TRPV3: variants seen among roughly 807,000 people sequenced by gnomAD.
The protein encoded by TRPV3 is VRL-3.
In TRPV3, 88 loss-of-function variants were observed where a neutral mutation model predicts 87.1. That is an observed-to-expected ratio of 1.01 (90% CI 0.85 to 1.21). The LOEUF (loss-of-function observed/expected upper bound fraction) is 1.21. Among genes scored for constraint, TRPV3 ranks in the 50% most tolerant of loss-of-function variants. TRPV3 has a pLI of 0.00. For synonymous variants in TRPV3, 438 were observed against 423.3 expected (o/e 1.03, Z -0.43); for missense variants, 1,054 against 1,030.1 (o/e 1.02, Z -0.32).
chr17:3,543,401 G>A (rs1472069420), intron 5 of TRPV3, 73 bp downstream of exon 5: 2 of 1,578,048 alleles, frequency 1.3e-6, no homozygotes, highest in Non-Finnish European at 1.7e-6. Context: ...GTTGGTGAGG[G>A]GAGGGGAAAA....
rs558228482 is a variant in TRPV3, at chr17:3,530,734, A to G, written c.1066-531T>C. Among the ~76,000 whole-genome samples, 1 of 152,280 alleles carries G rather than the reference A, an allele frequency of 6.6e-6. No individual in the cohort carries two copies. The highest frequency in any genetic ancestry group is 2.4e-5 in the African/African-American group (1 of 41,562). On this transcript the variant is annotated intron_variant, in intron 8 of 17. Coordinates refer to ENST00000576742, the MANE Select transcript of TRPV3 (RefSeq NM_145068.4). The surrounding 1 kb of genome is among the most constrained non-coding windows in gnomAD (Gnocchi z 4.0). ...GCCAGTGATCCTCAAACTCTGCTGC[A>G]TGTTAGGGCTGCTGGGAAACTTAGA...
At chr17:3,546,776 G>A (rs1260986761) in intron 2 of TRPV3, 1 of 402,158 alleles carries the variant, frequency 2.5e-6, no homozygotes. Context: ...TCAGGAGTTT[G>A]AGGCCAATGC....
At chr17:3,543,423 A>G in intron 5 of TRPV3, 51 bp downstream of exon 5, 2 of 1,597,336 alleles carry the variant, frequency 1.3e-6, no homozygotes, top group Non-Finnish European at 1.7e-6. Flanking sequence ...GGGCACCAGA[A>G]GCCAAGCAGG....
chr17:3,549,810 GAATA>G (rs2074557019), intron 2 of TRPV3, among the ~76,000 whole-genome samples: 1 of 151,588 alleles, frequency 6.6e-6, no homozygotes, highest in Non-Finnish European at 1.5e-5. Context: ...ATGGATTGAT[GAATA>G]AATGATTGAT....
chr17:3,513,885 G>A lies in TRPV3; in HGVS notation c.*32C>T, dbSNP rs368105861. 3.4e-4 allele frequency: 529 copies of A among 1,575,328 alleles called. 1 individual carries two copies. Among genetic ancestry groups the A allele is most frequent in the Non-Finnish European group, 4.3e-4 (487 of 1,145,430 alleles). ...GTGACTCCGCCTGCAGCGCCAGACAGCGCACGCGCACACCAGCTCTGGGTT... is the reference window on the plus strand; with the variant it reads ...GTGACTCCGCCTGCAGCGCCAGACAACGCACGCGCACACCAGCTCTGGGTT... On this transcript the variant is annotated 3_prime_UTR_variant, in exon 18 of 18. Coordinates refer to ENST00000576742, the MANE Select transcript of TRPV3 (RefSeq NM_145068.4).
intron 14 of TRPV3, among the ~76,000 whole-genome samples, chr17:3,520,104 T>C (rs569558325): frequency 1.3e-5 from 2 of 152,082 alleles, no homozygotes; most frequent in Admixed American, 6.5e-5. Flanking sequence ...AATAAGCAAA[T>C]TGTGACCCAG....
intron 12 of TRPV3, among the ~76,000 whole-genome samples, chr17:3,526,645 A>C (rs1307709722): frequency 1.3e-5 from 2 of 152,148 alleles, no homozygotes; most frequent in Non-Finnish European, 2.9e-5. Flanking sequence ...ACTGGGCCCC[A>C]CAGCCCTGAA....
intron 3 of TRPV3, 133 bp from the exon 4 acceptor site, chr17:3,544,798 A>G: frequency 1.5e-6 from 1 of 663,686 alleles, no homozygotes; most frequent in Non-Finnish European, 2.6e-6. Flanking sequence ...GGAGTTCGAG[A>G]CCAGCCTGGC....
At chr17:3,517,574 C>T (rs952488060) in intron 15 of TRPV3, among the ~76,000 whole-genome samples, 4 of 137,554 alleles carry the variant, frequency 2.9e-5, no homozygotes, top group African/African-American at 1.1e-4. Flanking sequence ...AGCTGATAAT[C>T]GTGCCACTGC....
At position 3,535,562 on chromosome 17, in the gene TRPV3, G is replaced by C; in HGVS notation, c.784+11C>G. On this transcript the variant is annotated intron_variant, in intron 7 of 17. Transcript: ENST00000576742. Reference sequence around the variant, plus strand: ...CTCCCAGACTCCGCACCGGGCGGGGGCGGCACCCACCGAAGTAGAAGCCTT... The same window carrying C: ...CTCCCAGACTCCGCACCGGGCGGGGCCGGCACCCACCGAAGTAGAAGCCTT... The C allele has an allele frequency of 8.2e-6, 13 of 1,583,756 alleles. No individual in the cohort carries two copies. Among genetic ancestry groups the C allele is most frequent in the Non-Finnish European group, 1.1e-5 (13 of 1,165,090 alleles).
chr17:3,519,422 TTGGATGGATGGA>T (rs59693032), intron 14 of TRPV3, among the ~76,000 whole-genome samples: 1 of 111,166 alleles, frequency 9.0e-6, no homozygotes, highest in Non-Finnish European at 1.8e-5. Context: ...GGATGGATGA[TTGGATGGATGGA>T]TGGATGGATG....
At chr17:3,520,359 C>T (rs1262554226) in intron 14 of TRPV3, among the ~76,000 whole-genome samples, 1 of 152,136 alleles carries the variant, frequency 6.6e-6, no homozygotes, top group Non-Finnish European at 1.5e-5. Flanking sequence ...GTGAGAGTAA[C>T]GTGATGTGAA....
rs398119634 is a variant in TRPV3, at chr17:3,554,660, T to TGG, written c.119+70_119+71dup. On this transcript the variant is annotated intron_variant, in intron 2 of 17. Transcript: ENST00000576742. ...AGGTCTCCCCAAGGCAAGGGCTCCC[T>TGG]GGGGGGGTGCCAGGCCCCCACTCGT... 561 of 1,049,994 alleles carry TGG rather than the reference T, an allele frequency of 5.3e-4. 1 individual carries two copies. The highest frequency in any genetic ancestry group is 5.7e-4 in the Non-Finnish European group (405 of 706,530). The allele number at this position is 1,049,994 out of a possible 1,614,324, so 65.0% of individuals were successfully genotyped here.
chr17:3,549,318 A>G (rs1321955395), intron 2 of TRPV3, among the ~76,000 whole-genome samples: 4 of 152,212 alleles, frequency 2.6e-5, no homozygotes, highest in African/African-American at 9.6e-5. Flanking sequence ...GTAGTGAACA[A>G]GTGGACAAAA....
chr17:3,551,664 ATCTCTG>A (rs1198190797), intron 2 of TRPV3, among the ~76,000 whole-genome samples: 2 of 124,434 alleles, frequency 1.6e-5, no homozygotes, highest in African/African-American at 2.5e-5. Flanking sequence ...ATCAGTCTGT[ATCTCTG>A]TCTCTGGGCA....
At position 3,524,226 on chromosome 17, in the gene TRPV3, A is replaced by G; in HGVS notation, c.1715T>C (p.Met572Thr). 3 of 1,614,200 alleles carry G rather than the reference A, an allele frequency of 1.9e-6. No homozygotes were observed. Among genetic ancestry groups the G allele is most frequent in the Non-Finnish European group, 2.5e-6 (3 of 1,180,044 alleles). The change falls in exon 13 of 18, where the codon ATG becomes ACG. Residue 572 changes from methionine to threonine, a missense_variant. Met to Thr is a moderately conservative substitution (Grantham distance 81). Transcript: ENST00000576742. ...CTGGATCATGACGCTGTACATGCCC[A>G]TGGACTGGAAACCCCGCGTATAGTA... ...MLYYTRGFQS[M>T]GMYSVMIQKV...
rs1045276010 is a variant in TRPV3, at chr17:3,556,415, G to A, written c.-3+1261C>T. ...CAGAGGGATGACATGGGCGGGGAAA[G>A]GGCTGTGTGGACAGGTGGTGACTGT... On this transcript the variant is annotated intron_variant, in intron 1 of 17. Transcript: ENST00000576742. The surrounding 1 kb of genome is among the most constrained non-coding windows in gnomAD (Gnocchi z 4.2). Among the ~76,000 whole-genome samples the A allele has an allele frequency of 7.9e-5, 12 of 151,996 alleles. No individual in the cohort carries two copies. Among genetic ancestry groups the A allele is most frequent in the Non-Finnish European group, 5.9e-5 (4 of 67,990 alleles).
Position 3,524,175 on chromosome 17 carries a change from C to T in TRPV3, c.1743+23G>A, listed in dbSNP as rs199676816. On this transcript the variant is annotated intron_variant, in intron 13 of 17. Coordinates refer to ENST00000576742, the MANE Select transcript of TRPV3 (RefSeq NM_145068.4). ...AATGGCCATCCTCCGAGGGCCCTCC[C>T]GCCGGCGCAGCTCTCAACGCACCTT... 91 of 1,610,560 alleles carry T rather than the reference C, an allele frequency of 5.7e-5. 1 individual carries two copies. Among genetic ancestry groups the T allele is most frequent in the Middle Eastern group, 1.7e-4 (1 of 6,046 alleles).
rs1393682312 is a variant in TRPV3, at chr17:3,528,651, T to G, written c.1401+186A>C. Among the ~76,000 whole-genome samples, 1 of 152,208 alleles carries G rather than the reference T, an allele frequency of 6.6e-6. No individual in the cohort carries two copies. The highest frequency in any genetic ancestry group is 1.5e-5 in the Non-Finnish European group (1 of 68,034). ...GGGTCTGCCCTTGGGACTCGGCACCTGGGGCTTAGCCCAGGCTAAGCACTG... is the reference window on the plus strand; with the variant it reads ...GGGTCTGCCCTTGGGACTCGGCACCGGGGGCTTAGCCCAGGCTAAGCACTG... On this transcript the variant is annotated intron_variant, in intron 10 of 17. Transcript: ENST00000576742. This position sits in a 1 kb window ranked among gnomAD's most constrained non-coding sequence, Gnocchi z 4.2.
Sources: gnomAD v4.1 joint callset for allele counts (sites outside exome capture counted in the v4.1 genomes callset) on GRCh38, gnomAD v4.1.1 for gene constraint, Gnocchi (gnomAD v3.1) non-coding constraint, MANE v1.5 for transcripts, NCBI Gene and HGNC (gene_info 2026-07-23, HGNC 2026-07-21) for gene names.